Variants in HSD11B1L observed in about 807,000 individuals in gnomAD.
The protein encoded by HSD11B1L is hydroxysteroid 11-beta dehydrogenase 1 like, also known as hydroxysteroid 11-beta-dehydrogenase 1-like protein.
In HSD11B1L, 22 loss-of-function variants were observed where a neutral mutation model predicts 27.0. The ratio of observed to expected loss-of-function variants is 0.81; its 90% CI spans 0.58 to 1.16. The LOEUF (loss-of-function observed/expected upper bound fraction) is 1.16, where lower values mean the gene tolerates loss of function less well. Ranked by LOEUF, HSD11B1L falls within the 50% of genes most tolerant of loss-of-function variation. The pLI is 0.00. For synonymous variants in HSD11B1L, 187 were observed against 189.2 expected (o/e 0.99, Z 0.09); for missense variants, 372 against 401.8 (o/e 0.93, Z 0.63).
chr19:5,687,126 C>A lies in HSD11B1L; in HGVS notation c.408+135C>A. The A allele has an allele frequency of 8.8e-7, 1 of 1,134,470 alleles. No individual in the cohort carries two copies. Among genetic ancestry groups the A allele is most frequent in the South Asian group, 1.4e-5 (1 of 69,000 alleles). 70.3% of individuals were successfully genotyped at this position (1,134,470 alleles called of 1,614,324 possible). A position where few individuals can be genotyped will look rare whatever the true frequency, so the allele number is the denominator to read the frequency against. On this transcript the variant is annotated intron_variant, in intron 5 of 7. Coordinates refer to ENST00000339423, the MANE Select transcript of HSD11B1L (RefSeq NM_198706.3). The surrounding 1 kb of genome is among the most constrained non-coding windows in gnomAD (Gnocchi z 6.6). ...CCGCCCCAGCCACGCCCCTCCTAGCCCAAGCCCCTGCTCCGGCCTTGACCC... is the reference window on the plus strand; with the variant it reads ...CCGCCCCAGCCACGCCCCTCCTAGCACAAGCCCCTGCTCCGGCCTTGACCC...
At chr19:5,683,735 T>C (rs1022832600) in intron 1 of HSD11B1L, among the ~76,000 whole-genome samples, 1 of 151,682 alleles carries the variant, frequency 6.6e-6, no homozygotes, top group African/African-American at 2.4e-5. Flanking sequence ...CTACAAAAAA[T>C]ACGATGATTA....
rs1245340752 is a variant in HSD11B1L at position 5,685,817 on chromosome 19, T to A, written c.205-599T>A. On this transcript the variant is annotated intron_variant, in intron 3 of 7. Coordinates refer to ENST00000339423, the MANE Select transcript of HSD11B1L (RefSeq NM_198706.3). This position sits in a 1 kb window ranked among gnomAD's most constrained non-coding sequence, Gnocchi z 4.3. ...TACATGGGAGGCTGAGTCAGGAGAA[T>A]CACTTGAACCCCGGAGGCAGAGGTT... 1.3e-5 allele frequency among the ~76,000 whole-genome samples: 2 copies of A among 151,798 alleles called. No homozygotes were observed. The highest frequency in any genetic ancestry group is 1.3e-4 in the Admixed American group (2 of 15,240).
rs1299396090 is a variant in HSD11B1L at position 5,683,509 on chromosome 19, A to G, written c.-14-1310A>G. 2.0e-5 allele frequency among the ~76,000 whole-genome samples: 3 copies of G among 152,348 alleles called. 1 individual carries two copies. The highest frequency in any genetic ancestry group is 6.8e-3 in the Middle Eastern group (2 of 294). On this transcript the variant is annotated intron_variant, in intron 1 of 7. Coordinates refer to ENST00000339423, the MANE Select transcript of HSD11B1L (RefSeq NM_198706.3). Reference sequence around the variant, plus strand: ...CACAGTTTTGGGCCCTGAAGACCCAATAGGGAACAAAGTAGAAGATTTCCA... The same window carrying G: ...CACAGTTTTGGGCCCTGAAGACCCAGTAGGGAACAAAGTAGAAGATTTCCA...
intron 1 of HSD11B1L, among the ~76,000 whole-genome samples, chr19:5,682,770 C>T (rs986882861): frequency 6.0e-5 from 9 of 149,162 alleles, no homozygotes; most frequent in African/African-American, 2.0e-4. Context: ...TCTGTCTCAG[C>T]TTCCTGGTTC....
chr19:5,684,431 G>A (rs558309067), intron 1 of HSD11B1L: 1 of 386,652 alleles, frequency 2.6e-6, no homozygotes, highest in Non-Finnish European at 4.7e-6. Context: ...CCCTGAGGCA[G>A]GATAGTGACT....
chr19:5,685,744 A>G lies in HSD11B1L; in HGVS notation c.204+625A>G, dbSNP rs946379291. 6.4e-5 allele frequency among the ~76,000 whole-genome samples: 9 copies of G among 140,842 alleles called. No homozygotes were observed. Among genetic ancestry groups the G allele is most frequent in the Non-Finnish European group, 1.5e-4 (9 of 61,888 alleles). 92.4% of individuals were successfully genotyped at this position (140,842 alleles called of 152,430 possible). A position where few individuals can be genotyped will look rare whatever the true frequency, so the allele number is the denominator to read the frequency against. On this transcript the variant is annotated intron_variant, in intron 3 of 7. Transcript: ENST00000339423. The surrounding 1 kb of genome is among the most constrained non-coding windows in gnomAD (Gnocchi z 4.3). Reference sequence around the variant, plus strand: ...CAGAGCGATACTCCATCTCAAAAAAAAGAAAAAAAAAAATTAGGGCATGGT... The same window carrying G: ...CAGAGCGATACTCCATCTCAAAAAAGAGAAAAAAAAAAATTAGGGCATGGT...
Position 5,687,643 on chromosome 19 carries a change from C to A in HSD11B1L, c.643C>A (p.Arg215Ser). Residue 215 changes from arginine to serine, a missense_variant, in exon 7 of 8, where the codon CGC becomes AGC. Physicochemically the swap from Arg to Ser is moderately radical, Grantham distance 110 (BLOSUM62 -1). Coordinates refer to ENST00000339423, the MANE Select transcript of HSD11B1L (RefSeq NM_198706.3). The surrounding 1 kb of genome is among the most constrained non-coding windows in gnomAD (Gnocchi z 6.6). ...ITMCVLGLRDRASAAEAVRGV... is the reference protein window; with the variant it reads ...ITMCVLGLRDSASAAEAVRGV... ...CATGTGCGTCCTGGGCCTCCGAGAT[C>A]GCGCCTCCGCCGCCGAGGCAGTCAG... 6.3e-7 allele frequency: 1 copy of A among 1,592,084 alleles called. No homozygotes were observed.
Position 5,687,385 on chromosome 19 carries a change from C to T in HSD11B1L, c.502+10C>T, listed in dbSNP as rs2054727756. On this transcript the variant is annotated intron_variant, in intron 6 of 7. Transcript: ENST00000339423. The surrounding 1 kb of genome is among the most constrained non-coding windows in gnomAD (Gnocchi z 6.6). ...GTGTCCTCGCTGCTCGGTGCGTGCA[C>T]CCGGCCCCGGCTCTGCGGGACGGGG... is the stretch of plus-strand genomic sequence containing the variant. The T allele has an allele frequency of 6.2e-7, 1 of 1,610,404 alleles. No homozygotes were observed. Among genetic ancestry groups the T allele is most frequent in the Admixed American group, 1.7e-5 (1 of 59,902 alleles).
rs1220789666 is a variant in HSD11B1L, at chr19:5,688,166, G to T, written c.*221G>T. On this transcript the variant is annotated 3_prime_UTR_variant, in exon 8 of 8. Coordinates refer to ENST00000339423, the MANE Select transcript of HSD11B1L (RefSeq NM_198706.3). ...TGTTAGGCGCCTTTGTCGGGGACTTGCAAGGCCTCACCTGTTTGGCCATGA... is the reference window on the plus strand; with the variant it reads ...TGTTAGGCGCCTTTGTCGGGGACTTTCAAGGCCTCACCTGTTTGGCCATGA... 1 of 1,550,412 alleles carries T rather than the reference G, an allele frequency of 6.4e-7. No homozygotes were observed. Among genetic ancestry groups the T allele is most frequent in the African/African-American group, 1.4e-5 (1 of 72,984 alleles).
chr19:5,682,116 A>T (rs570725051), intron 1 of HSD11B1L, among the ~76,000 whole-genome samples: 1 of 152,338 alleles, frequency 6.6e-6, no homozygotes, highest in African/African-American at 2.4e-5. Context: ...AGAAGGATAG[A>T]CAGGTAGTCA....
intron 4 of HSD11B1L, 23 bp from the exon 5 acceptor site, chr19:5,686,877 G>T: frequency 1.3e-6 from 2 of 1,530,572 alleles, no homozygotes; most frequent in Non-Finnish European, 1.8e-6. Context: ...GGCCTCCGGG[G>T]CTGACCGGCG....
At chr19:5,684,229 T>C (rs2054629001) in intron 1 of HSD11B1L, 1 of 341,442 alleles carries the variant, frequency 2.9e-6, no homozygotes, top group Admixed American at 4.8e-5. Context: ...TTGGCCAGGC[T>C]GGTCTCGAAC....
chr19:5,684,645 T>G, intron 1 of HSD11B1L, 174 bp from the exon 2 acceptor site: 1 of 910,300 alleles, frequency 1.1e-6, no homozygotes. Flanking sequence ...GGTGCGGTGG[T>G]TCATGGAGCC....
rs539934727 is a variant in HSD11B1L at position 5,682,496 on chromosome 19, G to A, written c.-15+1225G>A. Among the ~76,000 whole-genome samples, 3 of 152,230 alleles carry A rather than the reference G, an allele frequency of 2.0e-5. No individual in the cohort carries two copies. In the East Asian group the frequency reaches 5.8e-4, roughly 29 times the overall value. ...TAAGATCTGAAAACCATGAGCTCGT[G>A]GGGGTGAAAGGATAGAAGGAGGTGA... On this transcript the variant is annotated intron_variant, in intron 1 of 7. Transcript: ENST00000339423.
chr19:5,685,780 T>C lies in HSD11B1L; in HGVS notation c.205-636T>C, dbSNP rs537286108. Among the ~76,000 whole-genome samples, 10 of 150,860 alleles carry C rather than the reference T, an allele frequency of 6.6e-5. No homozygotes were observed. The highest frequency in any genetic ancestry group is 5.3e-4 in the Admixed American group (8 of 15,170). ...AAATTAGGGCATGGTGGCGCGAGCA[T>C]GTAGTCCCAGCTACATGGGAGGCTG... On this transcript the variant is annotated intron_variant, in intron 3 of 7. Transcript: ENST00000339423. This position sits in a 1 kb window ranked among gnomAD's most constrained non-coding sequence, Gnocchi z 4.3.
rs1210719533 is a variant in HSD11B1L, at chr19:5,686,938, G to T, written c.355G>T (p.Ala119Ser). ...DYLVLNHIGG[A>S]PAGTRARSPQ... Reference sequence around the variant, plus strand: ...CCTCGTGCTGAACCACATCGGCGGCGCCCCGGCCGGCACGCGAGCCCGCAG... The same window carrying T: ...CCTCGTGCTGAACCACATCGGCGGCTCCCCGGCCGGCACGCGAGCCCGCAG... The change falls in exon 5 of 8, where the codon GCC (alanine) becomes TCC (serine). Residue 119 changes from alanine (A) to serine (S), a missense_variant. Physicochemically the swap from Ala to Ser is moderately conservative, Grantham distance 99 (BLOSUM62 1). Transcript: ENST00000339423. The T allele has an allele frequency of 1.3e-6, 2 of 1,552,662 alleles. No individual in the cohort carries two copies. The highest frequency in any genetic ancestry group is 4.9e-5 in the East Asian group (2 of 41,090).
At chr19:5,684,928 G>C in intron 2 of HSD11B1L, 23 bp downstream of exon 2, 1 of 1,613,032 alleles carries the variant, frequency 6.2e-7, no homozygotes, top group Non-Finnish European at 8.5e-7. Context: ...GGTTGAGGGA[G>C]GGAGAAACCG....
chr19:5,686,185 T>G (rs2054684975), intron 3 of HSD11B1L, among the ~76,000 whole-genome samples: 1 of 152,134 alleles, frequency 6.6e-6, no homozygotes, highest in East Asian at 1.9e-4. Flanking sequence ...ATGTCCTGTT[T>G]TAGATGTTGG....
At chr19:5,683,431 C>T (rs1418149710) in intron 1 of HSD11B1L, among the ~76,000 whole-genome samples, 2 of 152,134 alleles carry the variant, frequency 1.3e-5, no homozygotes, top group African/African-American at 2.4e-5. Flanking sequence ...CCACGTGCCT[C>T]ATATCACTCC....
Sources: gnomAD v4.1 joint callset for allele counts (sites outside exome capture counted in the v4.1 genomes callset) on GRCh38, gnomAD v4.1.1 for gene constraint, Gnocchi (gnomAD v3.1) non-coding constraint, MANE v1.5 for transcripts, NCBI Gene and HGNC (gene_info 2026-07-23, HGNC 2026-07-21) for gene names.